Variants in KIF18B observed in about 807,000 individuals in gnomAD.
The protein encoded by KIF18B is kinesin family member 18B, also known as kinesin-like protein KIF18B.
KIF18B carries 49 observed loss-of-function variants against 80.9 expected under a neutral mutation model. The ratio of observed to expected loss-of-function variants is 0.61; its 90% CI spans 0.48 to 0.77. The LOEUF is 0.77. Ranked by LOEUF, KIF18B falls within the 30% of genes least tolerant of loss-of-function variation. KIF18B has a pLI of 0.00. For synonymous variants in KIF18B, 439 were observed against 463.9 expected, an observed-to-expected ratio of 0.95 and a Z score of 0.69; for missense variants, 994 against 1,127.7, an observed-to-expected ratio of 0.88 and a Z score of 1.70.
In KIF18B at chr17:44,925,229, T is replaced by C. The variant is rs2052001201; in HGVS notation, c.*851A>G. On this transcript the variant is annotated 3_prime_UTR_variant, in exon 16 of 16. Transcript: ENST00000593135. ...ACTTTGGGAGGCCGAGGCGGGTGGA[T>C]CATGAGGTCAGATCGAGACCAGCCT... The C allele has an allele frequency of 6.6e-6, 1 of 152,240 alleles. No homozygotes were observed. The highest frequency in any genetic ancestry group is 2.4e-5 in the African/African-American group (1 of 41,370). 9.4% of individuals were successfully genotyped at this position (152,240 alleles called of 1,614,324 possible).
At chr17:44,947,469 T>C (rs2052533890) in intron 1 of KIF18B, among the ~76,000 whole-genome samples, 159 bp downstream of exon 1, 1 of 151,940 alleles carries the variant, frequency 6.6e-6, no homozygotes. Flanking sequence ...AGACAGAGCC[T>C]GCCGGGGCGG....
chr17:44,934,297 C>T lies in KIF18B; in HGVS notation c.821G>A (p.Gly274Glu), dbSNP rs1399875624. 6.2e-7 allele frequency: 1 copy of T among 1,612,988 alleles called. No individual in the cohort carries two copies. The highest frequency in any genetic ancestry group is 1.1e-5 in the South Asian group (1 of 90,834). ...THAKGERLRE[G>E]ANINRSLLAL... ...CAGCAGAGAGCGGTTGATGTTGGCCCCCTCCCGCAGCCGCTCCCCCTTCGC... is the reference window on the plus strand; with the variant it reads ...CAGCAGAGAGCGGTTGATGTTGGCCTCCTCCCGCAGCCGCTCCCCCTTCGC... Residue 274 changes from glycine to glutamate, a missense_variant, in exon 6 of 16, where the codon GGG becomes GAG. Coordinates refer to ENST00000593135, the MANE Select transcript of KIF18B (RefSeq NM_001265577.2). This position sits in a 1 kb window ranked among gnomAD's most constrained non-coding sequence, Gnocchi z 5.4.
intron 10 of KIF18B, 76 bp downstream of exon 10, chr17:44,931,979 AG>A: frequency 6.7e-7 from 1 of 1,482,902 alleles, no homozygotes. Flanking sequence ...ACTCTGAGTC[AG>A]GGAGAGGCAA....
At chr17:44,939,188 T>A (rs1419442249) in intron 1 of KIF18B, among the ~76,000 whole-genome samples, 1 of 151,594 alleles carries the variant, frequency 6.6e-6, no homozygotes, top group East Asian at 1.9e-4. Context: ...CTGGCCAACA[T>A]GGTGAAACCC....
chr17:44,936,618 ATATATATTTTTTTTTTTTTTTTTTTTT>A (rs2052312603), intron 1 of KIF18B, among the ~76,000 whole-genome samples: 1 of 72,754 alleles, frequency 1.4e-5, no homozygotes, highest in Non-Finnish European at 2.5e-5. Context: ...ATATATATAT[ATATATATTTTTTTTTTTTTTTTTTTTT>A]TTTTTTTTTT....
rs1024868223 is a variant in KIF18B at position 44,924,752 on chromosome 17, T to C, written c.*1328A>G. On this transcript the variant is annotated 3_prime_UTR_variant, in exon 16 of 16. Transcript: ENST00000593135. ...TATTGTTATACCAAAAATATATGTATATATCTATATATATATGCAGAAATA... is the reference window on the plus strand; with the variant it reads ...TATTGTTATACCAAAAATATATGTACATATCTATATATATATGCAGAAATA... 1.3e-5 allele frequency: 2 copies of C among 152,120 alleles called. No individual in the cohort carries two copies. Among genetic ancestry groups the C allele is most frequent in the East Asian group, 3.8e-4 (2 of 5,202 alleles). 9.4% of individuals were successfully genotyped at this position (152,120 alleles called of 1,614,324 possible). A position where few individuals can be genotyped will look rare whatever the true frequency, so the allele number is the denominator to read the frequency against.
At chr17:44,935,488 A>C in intron 2 of KIF18B, 72 bp from the exon 3 acceptor site, 1 of 1,460,742 alleles carries the variant, frequency 6.8e-7, no homozygotes, top group South Asian at 1.4e-5. Flanking sequence ...TCCTCCCTCA[A>C]GCCCCTTTCC....
chr17:44,934,202 C>T lies in KIF18B; in HGVS notation c.885+31G>A. 6.3e-7 allele frequency: 1 copy of T among 1,598,620 alleles called. No individual in the cohort carries two copies. ...TGGGTTCAGGTGCTCAGTTGCTATC[C>T]TGGGGAGAATACTGGCCTGTGCTGC... On this transcript the variant is annotated intron_variant, in intron 6 of 15. Transcript: ENST00000593135. The surrounding 1 kb of genome is among the most constrained non-coding windows in gnomAD (Gnocchi z 5.4).
chr17:44,926,593 A>C, intron 14 of KIF18B, 94 bp from the exon 15 acceptor site: 2 of 1,233,118 alleles, frequency 1.6e-6, no homozygotes, highest in South Asian at 1.6e-5. Flanking sequence ...CTTGACACTA[A>C]GCCCTGAGAG....
At chr17:44,936,614 ATATATATATATTTTTTTTTT>A (rs2052309565) in intron 1 of KIF18B, among the ~76,000 whole-genome samples, 3 of 79,124 alleles carry the variant, frequency 3.8e-5, no homozygotes, top group African/African-American at 9.7e-5. Context: ...ATATATATAT[ATATATATATATTTTTTTTTT>A]TTTTTTTTTT....
intron 7 of KIF18B, 50 bp downstream of exon 7, chr17:44,933,873 T>C (rs557792740): frequency 1.3e-6 from 2 of 1,503,262 alleles, no homozygotes; most frequent in African/African-American, 2.8e-5. Context: ...CCTTTCCTGC[T>C]CCCCGGCTGG....
Position 44,925,521 on chromosome 17 carries a change from C to T in KIF18B, c.*559G>A, listed in dbSNP as rs908351989. On this transcript the variant is annotated 3_prime_UTR_variant, in exon 16 of 16. Transcript: ENST00000593135. ...ACGGGCCAGGCGTGGTAGCTCATGC[C>T]TGTAATCTCAGCACTTTGGGAAGCT... 6.1e-6 allele frequency: 1 copy of T among 163,496 alleles called. No individual in the cohort carries two copies. The highest frequency in any genetic ancestry group is 1.3e-5 in the Non-Finnish European group (1 of 76,942). The allele number at this position is 163,496 out of a possible 1,614,324, so 10.1% of individuals were successfully genotyped here. A position where few individuals can be genotyped will look rare whatever the true frequency, so the allele number is the denominator to read the frequency against.
At chr17:44,939,984 A>G (rs906072527) in intron 1 of KIF18B, among the ~76,000 whole-genome samples, 6 of 152,168 alleles carry the variant, frequency 3.9e-5, no homozygotes, top group African/African-American at 1.4e-4. Context: ...TTGTATTTTT[A>G]GTAGAGGTGG....
In KIF18B at chr17:44,934,773, G is replaced by T; in HGVS notation, c.576+58C>A. Reference sequence around the variant, plus strand: ...ACCCAGGGCATCCCCAAACAGTTTTGTGAGGGAACCCCAAGGACCCATGGG... The same window carrying T: ...ACCCAGGGCATCCCCAAACAGTTTTTTGAGGGAACCCCAAGGACCCATGGG... On this transcript the variant is annotated intron_variant, in intron 4 of 15. Transcript: ENST00000593135. This position sits in a 1 kb window ranked among gnomAD's most constrained non-coding sequence, Gnocchi z 5.4. 7.2e-7 allele frequency: 1 copy of T among 1,383,256 alleles called. No individual in the cohort carries two copies. Among genetic ancestry groups the T allele is most frequent in the Non-Finnish European group, 9.9e-7 (1 of 1,008,628 alleles). 85.7% of individuals were successfully genotyped at this position (1,383,256 alleles called of 1,614,324 possible).
Position 44,932,680 on chromosome 17 carries a change from G to A in KIF18B, c.1231C>T (p.Pro411Ser). ...LPGSPKSGPP[P>S]EHQPCTPELP... Reference sequence around the variant, plus strand: ...ATGGGCAGTGGAACTCACTGTTCTGGTGGTGGTCCCGACTTGGGAGATCCT... The same window carrying A: ...ATGGGCAGTGGAACTCACTGTTCTGATGGTGGTCCCGACTTGGGAGATCCT... The change falls in exon 9 of 16, where the codon CCA becomes TCA. Residue 411 changes from proline (P) to serine (S), a missense_variant. Pro to Ser is a moderately conservative substitution (Grantham distance 74, BLOSUM62 -1). Transcript: ENST00000593135. 2.5e-6 allele frequency: 4 copies of A among 1,606,964 alleles called. No individual in the cohort carries two copies. Among genetic ancestry groups the A allele is most frequent in the Non-Finnish European group, 3.4e-6 (4 of 1,175,234 alleles).
At position 44,937,977 on chromosome 17, in the gene KIF18B, TACACACACACACACAC is replaced by T. The variant is rs57130293; in HGVS notation, c.-14-1635_-14-1620del. Among the ~76,000 whole-genome samples, 150 of 144,042 alleles carry T rather than the reference TACACACACACACACAC, an allele frequency of 1.0e-3. 1 individual carries two copies. Among genetic ancestry groups the T allele is most frequent in the Non-Finnish European group, 1.6e-3 (103 of 65,362 alleles). The allele number at this position is 144,042 out of a possible 152,430, so 94.5% of individuals were successfully genotyped here. The stretch of plus-strand genomic sequence containing the variant: ...TATCAATGCTCTTTCAGCATCTCCA[TACACACACACACACAC>T]ACACACACACACACACACACACACA... On this transcript the variant is annotated intron_variant, in intron 1 of 15. Coordinates refer to ENST00000593135, the MANE Select transcript of KIF18B (RefSeq NM_001265577.2).
chr17:44,945,691 C>T (rs764483867), intron 1 of KIF18B, among the ~76,000 whole-genome samples: 2 of 151,722 alleles, frequency 1.3e-5, no homozygotes, highest in Non-Finnish European at 1.5e-5. Flanking sequence ...GATCACCTGA[C>T]GTCAGGAGTT....
At chr17:44,926,376 C>T (rs2052025558) in intron 15 of KIF18B, 38 bp downstream of exon 15, 1 of 1,555,608 alleles carries the variant, frequency 6.4e-7, no homozygotes, top group Admixed American at 2.0e-5. Flanking sequence ...TCATCGGCCT[C>T]CATGGCCCAG....
At chr17:44,926,546 G>C (rs766654600) in intron 14 of KIF18B, 47 bp from the exon 15 acceptor site, 16 of 1,501,422 alleles carry the variant, frequency 1.1e-5, no homozygotes, top group Admixed American at 2.4e-5. Context: ...CCCTGTCTCT[G>C]GACTATGGGT....
Sources: allele counts gnomAD v4.1 joint callset (sites outside exome capture counted in the v4.1 genomes callset), GRCh38; gene constraint gnomAD v4.1.1; non-coding constraint Gnocchi (gnomAD v3.1); transcripts MANE v1.5; gene names NCBI Gene and HGNC (gene_info 2026-07-23, HGNC 2026-07-21).